Variants in KLRG1 observed in about 807,000 individuals in gnomAD.
KLRG1 encodes killer cell lectin-like receptor subfamily G member 1.
Under a neutral mutation model 21.8 loss-of-function variants are expected in KLRG1, and 16 were observed. That is an observed-to-expected ratio of 0.73 (90% CI 0.50 to 1.11). The LOEUF (loss-of-function observed/expected upper bound fraction) is 1.11. Among genes scored for constraint, KLRG1 ranks in the 50% most tolerant of loss-of-function variants. The probability of loss-of-function intolerance (pLI) is 0.00; values close to 1 mark genes in which losing one functional copy is unlikely to be tolerated. For synonymous variants in KLRG1, 69 were observed against 75.9 expected (o/e 0.91, Z 0.47); for missense variants, 173 against 218.3 (o/e 0.79, Z 1.31).
the KLRG1 span, chr12:9,164,028 T>C: frequency 1.4e-6 from 2 of 1,417,574 alleles, no homozygotes; most frequent in Admixed American, 2.2e-5. Flanking sequence ...ACTAACTTTA[T>C]AGAATTATAT....
the KLRG1 span, chr12:9,067,218 C>T: frequency 6.4e-6 from 1 of 155,192 alleles, no homozygotes; most frequent in Non-Finnish European, 1.4e-5. Context: ...TGCATGAATC[C>T]TCCCTTCATT....
At chr12:8,992,451 C>T (rs1469089535) in intron 2 of KLRG1, 141 bp downstream of exon 2, 2 of 574,348 alleles carry the variant, frequency 3.5e-6, no homozygotes, top group Non-Finnish European at 6.0e-6. Flanking sequence ...TGGGTATAGC[C>T]TTTGACCATG....
At chr12:9,080,253 A>G in the KLRG1 span, 1 of 992,706 alleles carries the variant, frequency 1.0e-6, no homozygotes, top group African/African-American at 1.6e-5. Flanking sequence ...ATGACCCAGA[A>G]GCTAGGACTA....
intron 2 of KLRG1, 97 bp from the exon 3 acceptor site, chr12:8,995,022 G>A (rs1947087082): frequency 9.0e-7 from 1 of 1,106,916 alleles, no homozygotes; most frequent in African/African-American, 1.6e-5. Flanking sequence ...GGTGGAGCAG[G>A]GAAGACCCAG....
chr12:9,149,389 G>C, the KLRG1 span, among the ~76,000 whole-genome samples: 1 of 152,166 alleles, frequency 6.6e-6, no homozygotes, highest in Non-Finnish European at 1.5e-5. Context: ...TCTGAAATTG[G>C]AGAGTCCGCT....
At chr12:9,192,525 C>A in the KLRG1 span, 5 of 1,613,004 alleles carry the variant, frequency 3.1e-6, 1 homozygote, top group Non-Finnish European at 2.5e-6. Context: ...GTAATGGAAA[C>A]TGAGCTCCGA....
chr12:9,078,373 T>C, the KLRG1 span, among the ~76,000 whole-genome samples: 1 of 152,246 alleles, frequency 6.6e-6, no homozygotes, highest in Admixed American at 6.5e-5. Flanking sequence ...CATGATTTCA[T>C]TTCTTTTTAT....
chr12:9,090,259 G>A, the KLRG1 span: 41 of 1,567,758 alleles, frequency 2.6e-5, no homozygotes, highest in Non-Finnish European at 3.5e-5. Context: ...GCAGCATCTA[G>A]TGGTCTTTTC....
At chr12:9,181,928 C>T in the KLRG1 span, 1 of 1,585,670 alleles carries the variant, frequency 6.3e-7, no homozygotes, top group Non-Finnish European at 8.6e-7. Context: ...ATGGCACCTA[C>T]AGTATCATTT....
chr12:9,006,403 C>T (rs1947475702), intron 3 of KLRG1, among the ~76,000 whole-genome samples: 1 of 152,072 alleles, frequency 6.6e-6, no homozygotes, highest in African/African-American at 2.4e-5. Flanking sequence ...GAGGGAAAAG[C>T]TATGCAAAGA....
At chr12:9,122,032 C>T in the KLRG1 span, among the ~76,000 whole-genome samples, 7 of 152,140 alleles carry the variant, frequency 4.6e-5, no homozygotes, top group East Asian at 1.3e-3. Flanking sequence ...TGTAGGAACC[C>T]TGTTGCTTAT....
chr12:9,079,682 A>G, the KLRG1 span: 2 of 1,613,608 alleles, frequency 1.2e-6, no homozygotes, highest in Non-Finnish European at 1.7e-6. Flanking sequence ...TCTCTGGAGT[A>G]AGCTGCTGTG....
chr12:9,102,333 G>T, the KLRG1 span, among the ~76,000 whole-genome samples: 1 of 152,098 alleles, frequency 6.6e-6, no homozygotes, highest in African/African-American at 2.4e-5. Context: ...CTCCCAGTCA[G>T]CCTCCTGAGT....
At chr12:9,017,746 T>A in the KLRG1 span, among the ~76,000 whole-genome samples, 1 of 152,166 alleles carries the variant, frequency 6.6e-6, no homozygotes, top group South Asian at 2.1e-4. Context: ...TTCAATATAG[T>A]ACTGGATGTC....
chr12:9,004,105 G>A (rs776482062), intron 3 of KLRG1, among the ~76,000 whole-genome samples: 114 of 152,068 alleles, frequency 7.5e-4, no homozygotes, highest in African/African-American at 2.5e-3. Flanking sequence ...GTCTATCATT[G>A]TTGGACATTT....
the KLRG1 span, among the ~76,000 whole-genome samples, chr12:9,144,714 G>T: frequency 6.6e-6 from 1 of 152,158 alleles, no homozygotes; most frequent in Non-Finnish European, 1.5e-5. Context: ...GTGTGGAGGA[G>T]AAGTTTATTG....
chr12:9,120,852 CGTGTGTGTGTGTGTGT>C, the KLRG1 span, among the ~76,000 whole-genome samples: 1 of 143,408 alleles, frequency 7.0e-6, no homozygotes, highest in Non-Finnish European at 1.5e-5. Context: ...ATCCCACTAA[CGTGTGTGTGTGTGTGT>C]GTGTGTGTGT....
At chr12:9,196,956 G>T in the KLRG1 span, 1 of 1,291,374 alleles carries the variant, frequency 7.7e-7, no homozygotes, top group Non-Finnish European at 1.1e-6. Context: ...TTAGTAAAAT[G>T]GAGTCTCACT....
the KLRG1 span, among the ~76,000 whole-genome samples, chr12:9,120,351 CGAAAAAAAG>C: frequency 3.4e-5 from 5 of 148,978 alleles, no homozygotes; most frequent in Non-Finnish European, 7.4e-5. Flanking sequence ...AGGGGTAGAG[CGAAAAAAAG>C]GAAGGGAAAA....
Sources: gnomAD v4.1 joint callset for allele counts (sites outside exome capture counted in the v4.1 genomes callset) on GRCh38, gnomAD v4.1.1 for gene constraint, MANE v1.5 for transcripts, NCBI Gene and HGNC (gene_info 2026-07-23, HGNC 2026-07-21) for gene names.